CACNA2D1: variants seen among roughly 807,000 people sequenced by gnomAD.
CACNA2D1 encodes the protein voltage-dependent calcium channel subunit alpha-2/delta-1.
A neutral mutation model predicts 171.5 loss-of-function variants in CACNA2D1; 53 were observed. The observed-to-expected ratio is 0.31, with a 90% CI of 0.25 to 0.39. The LOEUF (loss-of-function observed/expected upper bound fraction) is 0.39, where lower values mean the gene tolerates loss of function less well. CACNA2D1 is among the 10% of genes least tolerant of loss of function. The pLI, the probability that CACNA2D1 is intolerant of heterozygous loss-of-function variation, is 1.00. For missense variants in CACNA2D1, 903 were observed against 1,299.8 expected (o/e 0.69, Z 4.69); for synonymous variants, 442 against 443.1 (o/e 1.00, Z 0.03).
intron 6 of CACNA2D1, among the ~76,000 whole-genome samples, chr7:82,111,441 TA>T (rs1380998241): frequency 1.2e-4 from 12 of 103,936 alleles, no homozygotes; most frequent in South Asian, 6.0e-4. Context: ...TATATATATA[TA>T]TATTTTTTTT....
At chr7:82,091,270 G>A (rs117723216) in intron 6 of CACNA2D1, among the ~76,000 whole-genome samples, 39 of 152,246 alleles carry the variant, frequency 2.6e-4, no homozygotes, top group Non-Finnish European at 5.3e-4. Flanking sequence ...AATCCACCTC[G>A]CACTGAGGAT....
intron 25 of CACNA2D1, among the ~76,000 whole-genome samples, chr7:81,972,871 A>G (rs1272880715): frequency 1.3e-5 from 2 of 152,020 alleles, no homozygotes; most frequent in African/African-American, 2.4e-5. Flanking sequence ...AAGTTAATAT[A>G]TCTTACACCT....
chr7:81,953,037 G>A (rs544674748), intron 38 of CACNA2D1, among the ~76,000 whole-genome samples: 63 of 152,022 alleles, frequency 4.1e-4, no homozygotes, highest in African/African-American at 1.4e-3. Flanking sequence ...CTATAGATGT[G>A]CACCACCACA....
At chr7:82,083,448 T>C (rs994696892) in intron 7 of CACNA2D1, among the ~76,000 whole-genome samples, 1 of 151,736 alleles carries the variant, frequency 6.6e-6, no homozygotes, top group Non-Finnish European at 1.5e-5. Context: ...TTATATAATA[T>C]AATACTCAAA....
At chr7:82,303,870 C>T (rs1389402391) in intron 3 of CACNA2D1, among the ~76,000 whole-genome samples, 1 of 151,906 alleles carries the variant, frequency 6.6e-6, no homozygotes, top group Non-Finnish European at 1.5e-5. Flanking sequence ...ACAAATGGGA[C>T]TATATTAAAC....
At chr7:82,194,427 T>A (rs1466003264) in intron 3 of CACNA2D1, among the ~76,000 whole-genome samples, 8 of 152,062 alleles carry the variant, frequency 5.3e-5, no homozygotes, top group Non-Finnish European at 1.2e-4. Flanking sequence ...CTTCTCTTAA[T>A]GATTTGTGTG....
chr7:82,115,017 T>G (rs1238089501), intron 6 of CACNA2D1, among the ~76,000 whole-genome samples: 4 of 152,152 alleles, frequency 2.6e-5, no homozygotes, highest in Non-Finnish European at 5.9e-5. Context: ...ATATCAACAA[T>G]ACAAAACCCA....
At chr7:82,421,898 T>C (rs192753932) in intron 1 of CACNA2D1, among the ~76,000 whole-genome samples, 1 of 152,260 alleles carries the variant, frequency 6.6e-6, no homozygotes, top group East Asian at 1.9e-4. Context: ...CTCCAAAAAT[T>C]TCCCATGATG....
chr7:82,060,155 ATATATATAT>A (rs1806474110), intron 10 of CACNA2D1, among the ~76,000 whole-genome samples: 1 of 38,306 alleles, frequency 2.6e-5, no homozygotes, highest in Non-Finnish European at 4.9e-5. Flanking sequence ...TATATGTATT[ATATATATAT>A]AATATATATA....
At chr7:82,400,776 A>G (rs1041826891) in intron 1 of CACNA2D1, among the ~76,000 whole-genome samples, 17 of 150,958 alleles carry the variant, frequency 1.1e-4, no homozygotes, top group South Asian at 4.2e-4. Context: ...GCAACCTACA[A>G]AATGGGAGAA....
At chr7:82,012,276 T>TA (rs757696398) in intron 14 of CACNA2D1, 33 bp from the exon 15 acceptor site, 63 of 1,100,106 alleles carry the variant, frequency 5.7e-5, no homozygotes, top group Non-Finnish European at 8.6e-5. Flanking sequence ...AAGTCGTGGT[T>TA]AAAACTAGGA....
intron 18 of CACNA2D1, among the ~76,000 whole-genome samples, chr7:81,998,040 G>A (rs1343851007): frequency 6.6e-6 from 1 of 151,840 alleles, no homozygotes; most frequent in East Asian, 1.9e-4. Context: ...AAATGATACT[G>A]TTAGTCTGGC....
At chr7:81,954,047 C>T (rs1395851357) in intron 38 of CACNA2D1, among the ~76,000 whole-genome samples, 1 of 152,060 alleles carries the variant, frequency 6.6e-6, no homozygotes, top group Admixed American at 6.6e-5. Context: ...TCTTCCCAAG[C>T]ATTTTGCATG....
chr7:82,136,818 G>A (rs535721460), intron 4 of CACNA2D1, 142 bp from the exon 5 acceptor site: 5 of 635,676 alleles, frequency 7.9e-6, no homozygotes, highest in East Asian at 5.6e-5. Context: ...ATAAGGATTA[G>A]CCACTATTTT....
At chr7:82,241,424 C>T (rs1260337005) in intron 3 of CACNA2D1, among the ~76,000 whole-genome samples, 1 of 152,164 alleles carries the variant, frequency 6.6e-6, no homozygotes, top group African/African-American at 2.4e-5. Context: ...TGAAGCCACA[C>T]TGAATTGCTT....
chr7:82,206,493 C>G (rs1800013700), intron 3 of CACNA2D1, among the ~76,000 whole-genome samples: 1 of 151,996 alleles, frequency 6.6e-6, no homozygotes, highest in Non-Finnish European at 1.5e-5. Context: ...CTAAAACATT[C>G]AGTAAACCAA....
chr7:82,394,481 G>A (rs545728762), intron 1 of CACNA2D1, among the ~76,000 whole-genome samples: 1 of 152,264 alleles, frequency 6.6e-6, no homozygotes, highest in Non-Finnish European at 1.5e-5. Flanking sequence ...ACAGACAGAT[G>A]GAGATGGATA....
At chr7:82,125,749 A>G (rs1164584730) in intron 5 of CACNA2D1, among the ~76,000 whole-genome samples, 1 of 152,168 alleles carries the variant, frequency 6.6e-6, no homozygotes, top group African/African-American at 2.4e-5. Context: ...GAAACCTATA[A>G]TGATATGAAA....
chr7:82,432,955 G>T (rs1314548864), intron 1 of CACNA2D1, among the ~76,000 whole-genome samples: 2 of 152,162 alleles, frequency 1.3e-5, no homozygotes, highest in Non-Finnish European at 2.9e-5. Context: ...GGAGGCCAAG[G>T]CAGGTGGATT....
Sources: allele counts gnomAD v4.1 joint callset (sites outside exome capture counted in the v4.1 genomes callset), GRCh38; gene constraint gnomAD v4.1.1; transcripts MANE v1.5; gene names NCBI Gene and HGNC (gene_info 2026-07-23, HGNC 2026-07-21).